Variants in CEP162 observed in about 807,000 individuals in gnomAD.
CEP162 encodes centrosomal protein 162.
Under a neutral mutation model 169.2 loss-of-function variants are expected in CEP162, and 141 were observed. That is an observed-to-expected ratio of 0.83 (90% CI 0.73 to 0.96). The LOEUF (loss-of-function observed/expected upper bound fraction) is 0.96, where lower values mean the gene tolerates loss of function less well. Among genes scored for constraint, CEP162 ranks in the 40% least tolerant of loss-of-function variants. The pLI is 0.00. For synonymous variants in CEP162, 540 were observed against 526.4 expected, an observed-to-expected ratio of 1.03 and a Z score of -0.35; for missense variants, 1,600 against 1,587.2, an observed-to-expected ratio of 1.01 and a Z score of -0.14.
At position 84,194,909 on chromosome 6, in the gene CEP162, T is replaced by C; in HGVS notation, c.1002A>G (p.Ser334=). Residue 334 remains serine (S), a synonymous_variant, in exon 10 of 27, where the codon TCA becomes TCG. Transcript: ENST00000403245. ...KGHPQENEEN[S]KNISTMESDL... The stretch of plus-strand genomic sequence containing the variant: ...CAGATTCCATAGTAGAGATGTTTTT[T>C]GAATTCTCTTCATTTTCTTGAGGAT... The C allele has an allele frequency of 1.2e-6, 2 of 1,611,322 alleles. No homozygotes were observed. Among genetic ancestry groups the C allele is most frequent in the Admixed American group, 3.4e-5 (2 of 59,524 alleles).
At chr6:84,152,468 G>C in intron 23 of CEP162, 77 bp downstream of exon 23, 4 of 752,204 alleles carry the variant, frequency 5.3e-6, no homozygotes, top group Non-Finnish European at 7.9e-6. Flanking sequence ...TAATTATCTG[G>C]AGGAAATATA....
chr6:84,152,998 A>G lies in CEP162; in HGVS notation c.3176T>C (p.Leu1059Ser), dbSNP rs1320607720. 1 of 1,613,542 alleles carries G rather than the reference A, an allele frequency of 6.2e-7. No homozygotes were observed. Among genetic ancestry groups the G allele is most frequent in the Admixed American group, 1.7e-5 (1 of 59,876 alleles). ...IDVLKHQNAE[L>S]DVKKNDKDDE... ...ATCTTTATCATTTTTCTTGACGTCT[A>G]ATTCAGCATTCTGATGTTTAAGAAC... The change falls in exon 23 of 27, where the codon TTA becomes TCA. Residue 1059 changes from leucine (L) to serine (S), a missense_variant. Leu to Ser is a moderately radical substitution (Grantham distance 145). Transcript: ENST00000403245.
At chr6:84,226,777 C>A (rs1200098904) in intron 1 of CEP162, among the ~76,000 whole-genome samples, 1 of 152,202 alleles carries the variant, frequency 6.6e-6, no homozygotes. Flanking sequence ...CAGGTCCTCA[C>A]AGGGAATCTT....
chr6:84,175,836 A>G (rs1386222031), intron 13 of CEP162, among the ~76,000 whole-genome samples: 2 of 152,160 alleles, frequency 1.3e-5, no homozygotes, highest in Non-Finnish European at 2.9e-5. Flanking sequence ...AATAATATAA[A>G]TTGCACGGAG....
At chr6:84,164,274 T>C (rs990738663) in intron 18 of CEP162, among the ~76,000 whole-genome samples, 11 of 152,138 alleles carry the variant, frequency 7.2e-5, no homozygotes, top group African/African-American at 2.7e-4. Context: ...GTTCAACCAT[T>C]GTGGAAGACA....
In CEP162 at chr6:84,204,531, G is replaced by T. The variant is rs182583053; in HGVS notation, c.572-435C>A. On this transcript the variant is annotated intron_variant, in intron 6 of 26. Transcript: ENST00000403245. ...AATAAAGATGTTCTTTGAAACCAAT[G>T]AGAACAAAGACACAACATACCAGAA... 1.2e-4 allele frequency among the ~76,000 whole-genome samples: 19 copies of T among 152,252 alleles called. 2 individuals carry two copies. The highest frequency in any genetic ancestry group is 1.2e-3 in the Admixed American group (18 of 15,294).
At position 84,152,690 on chromosome 6, in the gene CEP162, G is replaced by C; in HGVS notation, c.3484C>G (p.His1162Asp). 1 of 1,612,774 alleles carries C rather than the reference G, an allele frequency of 6.2e-7. No individual in the cohort carries two copies. Among genetic ancestry groups the C allele is most frequent in the Non-Finnish European group, 8.5e-7 (1 of 1,179,386 alleles). The change falls in exon 23 of 27, where the codon CAT becomes GAT. Residue 1162 changes from histidine (H) to aspartate (D), a missense_variant. His to Asp is a moderately conservative substitution (Grantham distance 81, BLOSUM62 -1). Coordinates refer to ENST00000403245, the MANE Select transcript of CEP162 (RefSeq NM_014895.4). ...GAAACATGGGAATCAGTGAAAGTAT[G>C]TGGTTGGTACAGCTTGCTGTCCAGG... The part of the protein sequence containing the change: ...GTLDSKLYQP[H>D]TFTDSHVSEV...
intron 11 of CEP162, 32 bp from the exon 12 acceptor site, chr6:84,186,655 C>T (rs1008430697): frequency 1.3e-6 from 2 of 1,537,000 alleles, no homozygotes; most frequent in Non-Finnish European, 8.7e-7. Flanking sequence ...AGATAATGAA[C>T]CCTATGTAAC....
rs1253020544 is a variant in CEP162 at position 84,152,873 on chromosome 6, T to C, written c.3301A>G (p.Ile1101Val). ...TCCACAGTTTTTGAGAGGTCTTGTA[T>C]TTCTCTCTTTTTTGCAGCCAGTTCT... ...NEELAAKKRE[I>V]QDLSKTVERL... The change falls in exon 23 of 27, where the codon ATA becomes GTA. Residue 1101 changes from isoleucine (I) to valine (V), a missense_variant. Coordinates refer to ENST00000403245, the MANE Select transcript of CEP162 (RefSeq NM_014895.4). 6.2e-7 allele frequency: 1 copy of C among 1,613,730 alleles called. No homozygotes were observed. Among genetic ancestry groups the C allele is most frequent in the Non-Finnish European group, 8.5e-7 (1 of 1,179,792 alleles).
intron 18 of CEP162, 84 bp from the exon 19 acceptor site, chr6:84,163,354 A>ATC: frequency 2.1e-6 from 2 of 966,022 alleles, no homozygotes; most frequent in Non-Finnish European, 3.1e-6. Flanking sequence ...TCCATCATGA[A>ATC]CACTACGGCA....
intron 11 of CEP162, 104 bp downstream of exon 11, chr6:84,193,505 G>A: frequency 1.7e-6 from 1 of 588,936 alleles, no homozygotes. Flanking sequence ...CTCACAGGTA[G>A]AGTCAAGCTA....
At chr6:84,131,021 C>T (rs1041126649) in intron 25 of CEP162, among the ~76,000 whole-genome samples, 1 of 152,196 alleles carries the variant, frequency 6.6e-6, no homozygotes. Context: ...CTACACACTG[C>T]TTTAAATGTG....
chr6:84,146,566 T>C (rs2129197939), intron 25 of CEP162, 121 bp downstream of exon 25: 1 of 497,370 alleles, frequency 2.0e-6, no homozygotes, highest in African/African-American at 2.0e-5. Flanking sequence ...TAATATTTTC[T>C]TGACGTGATA....
Position 84,152,675 on chromosome 6 carries a change from A to T in CEP162, c.3499T>A (p.Ser1167Thr). Residue 1167 changes from serine (S) to threonine (T), a missense_variant, in exon 23 of 27, where the codon TCC becomes ACC. Ser to Thr is a moderately conservative substitution (Grantham distance 58). Transcript: ENST00000403245. ...KLYQPHTFTD[S>T]HVSEVLQENY... is the part of the protein sequence containing the mutation. The stretch of plus-strand genomic sequence containing the variant: ...TCTTGTAAAACTTCTGAAACATGGG[A>T]ATCAGTGAAAGTATGTGGTTGGTAC... The T allele has an allele frequency of 1.2e-6, 2 of 1,612,104 alleles. No individual in the cohort carries two copies. Among genetic ancestry groups the T allele is most frequent in the Non-Finnish European group, 1.7e-6 (2 of 1,179,094 alleles).
intron 6 of CEP162, among the ~76,000 whole-genome samples, chr6:84,209,807 C>A (rs913966490): frequency 6.6e-6 from 1 of 152,126 alleles, no homozygotes; most frequent in Non-Finnish European, 1.5e-5. Flanking sequence ...AGTAACTAAG[C>A]AGCCTACAGG....
rs1361295357 is a variant in CEP162 at position 84,124,628 on chromosome 6, A to G, written c.*442T>C. ...CGTTGAAAAATTACCTGTTGGGTAC[A>G]GTGTTTAATATTTGGATGATGGGTA... On this transcript the variant is annotated 3_prime_UTR_variant, in exon 27 of 27. Coordinates refer to ENST00000403245, the MANE Select transcript of CEP162 (RefSeq NM_014895.4). 1 of 204,994 alleles carries G rather than the reference A, an allele frequency of 4.9e-6. No individual in the cohort carries two copies. The highest frequency in any genetic ancestry group is 9.6e-6 in the Non-Finnish European group (1 of 104,684). The allele number at this position is 204,994 out of a possible 1,614,324, so 12.7% of individuals were successfully genotyped here.
intron 13 of CEP162, among the ~76,000 whole-genome samples, chr6:84,177,537 C>CTTTA (rs1198006977): frequency 6.6e-6 from 1 of 152,006 alleles, no homozygotes; most frequent in African/African-American, 2.4e-5. Context: ...GCTGAATAAT[C>CTTTA]TTTATTTATT....
In CEP162 at chr6:84,225,397, A is replaced by G. The variant is rs533177642; in HGVS notation, c.57+940T>C. Among the ~76,000 whole-genome samples, 7 of 152,336 alleles carry G rather than the reference A, an allele frequency of 4.6e-5. No homozygotes were observed. In the East Asian group the frequency reaches 1.2e-3, roughly 25 times the overall value. The stretch of plus-strand genomic sequence containing the variant: ...GCATTTCTGTATCTAAACATAGAAA[A>G]GTAAACATATGGTACAAAAGATTAA... On this transcript the variant is annotated intron_variant, in intron 2 of 26. Transcript: ENST00000403245.
At chr6:84,161,466 G>A (rs1490832824) in intron 20 of CEP162, among the ~76,000 whole-genome samples, 1 of 152,152 alleles carries the variant, frequency 6.6e-6, no homozygotes, top group Non-Finnish European at 1.5e-5. Flanking sequence ...GCTCTGATGT[G>A]GCTGGAGAAG....
Sources: allele counts gnomAD v4.1 joint callset (sites outside exome capture counted in the v4.1 genomes callset), GRCh38; gene constraint gnomAD v4.1.1; transcripts MANE v1.5; gene names NCBI Gene and HGNC (gene_info 2026-07-23, HGNC 2026-07-21).